CDH13: variants seen among roughly 807,000 people sequenced by gnomAD.
CDH13 encodes cadherin-13.
CDH13 carries 24 observed loss-of-function variants against 63.8 expected under a neutral mutation model. The ratio of observed to expected loss-of-function variants is 0.38; its 90% CI spans 0.27 to 0.53. The LOEUF is 0.53. Ranked by LOEUF, CDH13 falls within the 20% of genes least tolerant of loss-of-function variation. The probability of loss-of-function intolerance (pLI) is 0.85; values close to 1 mark genes in which losing one functional copy is unlikely to be tolerated. For missense variants in CDH13, 1,049 were observed against 903.1 expected (o/e 1.16, Z -2.07); for synonymous variants, 503 against 355.3 (o/e 1.42, Z -4.67).
At chr16:83,427,150 G>C (rs951536491) in intron 6 of CDH13, among the ~76,000 whole-genome samples, 1 of 151,830 alleles carries the variant, frequency 6.6e-6, no homozygotes, top group African/African-American at 2.4e-5. Context: ...TTCTGACCTG[G>C]TGATCCGCCT....
At chr16:82,908,723 A>G (rs955906639) in intron 2 of CDH13, among the ~76,000 whole-genome samples, 1 of 152,186 alleles carries the variant, frequency 6.6e-6, no homozygotes, top group Non-Finnish European at 1.5e-5. Context: ...GCCAAAATCC[A>G]GAAACCTCTG....
intron 12 of CDH13, among the ~76,000 whole-genome samples, chr16:83,782,076 C>T (rs963865189): frequency 6.6e-6 from 1 of 152,270 alleles, no homozygotes; most frequent in African/African-American, 2.4e-5. Context: ...GATCATGCTT[C>T]ATGTATTTTT....
At chr16:82,747,603 C>T (rs891568236) in intron 1 of CDH13, among the ~76,000 whole-genome samples, 2 of 152,174 alleles carry the variant, frequency 1.3e-5, no homozygotes, top group African/African-American at 2.4e-5. Context: ...TACTGTTTAA[C>T]GAGACCTTCA....
At chr16:83,679,217 A>C (rs1024882275) in intron 10 of CDH13, among the ~76,000 whole-genome samples, 1 of 152,250 alleles carries the variant, frequency 6.6e-6, no homozygotes, top group Admixed American at 6.5e-5. Flanking sequence ...CCCGTGGTGC[A>C]TCTAATGCTC....
chr16:83,645,116 A>T (rs1425514285), intron 8 of CDH13, among the ~76,000 whole-genome samples: 2 of 152,236 alleles, frequency 1.3e-5, no homozygotes, highest in African/African-American at 4.8e-5. Context: ...CCACAGCACT[A>T]TTCACAATAG....
intron 1 of CDH13, among the ~76,000 whole-genome samples, chr16:82,673,013 T>TTTTC (rs1393539705): frequency 7.2e-6 from 1 of 139,156 alleles, no homozygotes; most frequent in Admixed American, 7.1e-5. Flanking sequence ...TTTTTTTTTT[T>TTTTC]TTTTTTGTAG....
intron 5 of CDH13, among the ~76,000 whole-genome samples, chr16:83,262,344 G>C (rs1330116381): frequency 6.6e-6 from 1 of 152,138 alleles, no homozygotes; most frequent in Non-Finnish European, 1.5e-5. Context: ...TGTGTAGGGA[G>C]ACTCTGAGAG....
At chr16:83,686,324 C>A (rs980193631) in intron 10 of CDH13, among the ~76,000 whole-genome samples, 11 of 152,192 alleles carry the variant, frequency 7.2e-5, no homozygotes, top group Admixed American at 3.3e-4. Flanking sequence ...TATCTCCTTC[C>A]CTAATGAGCC....
rs1173636265 is a variant in CDH13 at position 83,131,182 on chromosome 16, A to ACCCCCCCCCCCCCC, written c.483+5687_483+5700dup. 1.2e-4 allele frequency among the ~76,000 whole-genome samples: 10 copies of ACCCCCCCCCCCCCC among 86,350 alleles called. 1 individual carries two copies. The highest frequency in any genetic ancestry group is 2.8e-4 in the African/African-American group (4 of 14,142). The allele number at this position is 86,350 out of a possible 152,430, so 56.6% of individuals were successfully genotyped here. A position where few individuals can be genotyped will look rare whatever the true frequency, so the allele number is the denominator to read the frequency against. ...GGTGGGGAGTATAAGGGGGTGTATGACCCCCCCCCCCCCCCCCCCGCCCAC... is the reference window on the plus strand; with the variant it reads ...GGTGGGGAGTATAAGGGGGTGTATGACCCCCCCCCCCCCCCCCCCCCCCCCCCCCCCCCGCCCAC... On this transcript the variant is annotated intron_variant, in intron 4 of 13. Transcript: ENST00000567109.
At chr16:83,410,003 A>C (rs1043943069) in intron 6 of CDH13, among the ~76,000 whole-genome samples, 3 of 152,260 alleles carry the variant, frequency 2.0e-5, no homozygotes, top group Non-Finnish European at 4.4e-5. Context: ...CCTGTGTGAA[A>C]CAACTTTTAT....
At chr16:83,617,050 A>G (rs1438307112) in intron 8 of CDH13, among the ~76,000 whole-genome samples, 1 of 152,054 alleles carries the variant, frequency 6.6e-6, no homozygotes, top group East Asian at 1.9e-4. Flanking sequence ...TTGTCCCAAA[A>G]CATGTTAGCC....
At chr16:83,142,801 A>C (rs1278326449) in intron 4 of CDH13, among the ~76,000 whole-genome samples, 1 of 152,130 alleles carries the variant, frequency 6.6e-6, no homozygotes, top group Admixed American at 6.5e-5. Context: ...TCTCTCTACA[A>C]GGTGATAAAA....
intron 7 of CDH13, among the ~76,000 whole-genome samples, chr16:83,555,234 G>A (rs2075579577): frequency 6.6e-6 from 1 of 152,176 alleles, no homozygotes; most frequent in Non-Finnish European, 1.5e-5. Flanking sequence ...TTGTACAGTG[G>A]TAAACTCAAG....
chr16:83,335,821 C>T (rs1481911559), intron 5 of CDH13, among the ~76,000 whole-genome samples: 2 of 152,252 alleles, frequency 1.3e-5, no homozygotes, highest in Non-Finnish European at 2.9e-5. Flanking sequence ...GACCCTCTCA[C>T]GTGCACCCCC....
intron 8 of CDH13, 61 bp from the exon 9 acceptor site, chr16:83,670,729 C>A (rs1914426176): frequency 1.4e-6 from 2 of 1,440,316 alleles, no homozygotes; most frequent in Admixed American, 3.4e-5. Flanking sequence ...CAATGCAAAG[C>A]ATGTAGTAAA....
intron 1 of CDH13, among the ~76,000 whole-genome samples, chr16:82,791,288 A>C (rs2151136362): frequency 6.6e-6 from 1 of 151,836 alleles, no homozygotes; most frequent in East Asian, 1.9e-4. Flanking sequence ...GAAGGTGACC[A>C]CACCCACTTT....
At chr16:83,784,346 G>T (rs996941136) in intron 13 of CDH13, among the ~76,000 whole-genome samples, 1 of 152,108 alleles carries the variant, frequency 6.6e-6, no homozygotes, top group African/African-American at 2.4e-5. Context: ...AAGGAAAAAT[G>T]AAGGGCCAGG....
chr16:83,479,200 A>G (rs2073693317), intron 6 of CDH13, among the ~76,000 whole-genome samples: 1 of 151,884 alleles, frequency 6.6e-6, no homozygotes, highest in Non-Finnish European at 1.5e-5. Context: ...TTTCCTAACA[A>G]GATTTTAAGT....
intron 2 of CDH13, among the ~76,000 whole-genome samples, chr16:82,888,616 G>A (rs771309846): frequency 5.9e-5 from 9 of 152,184 alleles, no homozygotes; most frequent in Admixed American, 1.3e-4. Flanking sequence ...CTTGGAGGAA[G>A]ATGGCCTTGT....
Sources: gnomAD v4.1 joint callset for allele counts (sites outside exome capture counted in the v4.1 genomes callset) on GRCh38, gnomAD v4.1.1 for gene constraint, MANE v1.5 for transcripts, NCBI Gene and HGNC (gene_info 2026-07-23, HGNC 2026-07-21) for gene names.